STXBP5: variants seen among roughly 807,000 people sequenced by gnomAD.
STXBP5 encodes syntaxin-binding protein 5.
A neutral mutation model predicts 152.4 loss-of-function variants in STXBP5; 50 were observed. The ratio of observed to expected loss-of-function variants is 0.33; its 90% CI spans 0.26 to 0.42. The LOEUF (loss-of-function observed/expected upper bound fraction) is 0.42. Ranked by LOEUF, STXBP5 falls within the 10% of genes least tolerant of loss-of-function variation. The pLI, the probability that STXBP5 is intolerant of heterozygous loss-of-function variation, is 1.00. For missense variants in STXBP5, 1,167 were observed against 1,388.6 expected (o/e 0.84, Z 2.54); for synonymous variants, 492 against 494.7 (o/e 0.99, Z 0.07).
chr6:147,248,470 A>G (rs1382098857), intron 4 of STXBP5, among the ~76,000 whole-genome samples: 1 of 152,106 alleles, frequency 6.6e-6, no homozygotes, highest in Non-Finnish European at 1.5e-5. Context: ...AAAGAAGACA[A>G]AAGTCAGTCA....
chr6:147,212,254 A>G (rs369884734), intron 2 of STXBP5, among the ~76,000 whole-genome samples: 125 of 152,336 alleles, frequency 8.2e-4, no homozygotes, highest in African/African-American at 2.9e-3. Flanking sequence ...TAACTATTGG[A>G]GATTCAAGTC....
intron 3 of STXBP5, among the ~76,000 whole-genome samples, chr6:147,236,508 C>A (rs546767139): frequency 1.3e-5 from 2 of 152,136 alleles, no homozygotes; most frequent in African/African-American, 4.8e-5. Flanking sequence ...AGTATGATAG[C>A]AAACCAGGAA....
At position 147,324,939 on chromosome 6, in the gene STXBP5, C is replaced by A; in HGVS notation, c.1803-20C>A. 6.7e-7 allele frequency: 1 copy of A among 1,486,782 alleles called. No homozygotes were observed. The highest frequency in any genetic ancestry group is 9.0e-7 in the Non-Finnish European group (1 of 1,111,312). The allele number at this position is 1,486,782 out of a possible 1,614,324, so 92.1% of individuals were successfully genotyped here. A position where few individuals can be genotyped will look rare whatever the true frequency, so the allele number is the denominator to read the frequency against. Reference sequence around the variant, plus strand: ...ATAGTTGAAAATGGTTTAAAGATACCATGTTTTCTTTTATTTTAGAGTTAA... The same window carrying A: ...ATAGTTGAAAATGGTTTAAAGATACAATGTTTTCTTTTATTTTAGAGTTAA... On this transcript the variant is annotated intron_variant, in intron 16 of 27. Transcript: ENST00000321680.
At chr6:147,217,934 TC>T (rs1777258351) in intron 2 of STXBP5, among the ~76,000 whole-genome samples, 1 of 152,212 alleles carries the variant, frequency 6.6e-6, no homozygotes, top group African/African-American at 2.4e-5. Context: ...TTGTAGTTTT[TC>T]TTAAATGAGA....
rs780794214 is a variant in STXBP5 at position 147,316,242 on chromosome 6, G to T, written c.1637G>T (p.Arg546Leu). Reference sequence around the variant, plus strand: ...CTTTTACAACAGATGCTTGAAGTTCGATTATTATATGAGATAAATGATGTG... The same window carrying T: ...CTTTTACAACAGATGCTTGAAGTTCTATTATTATATGAGATAAATGATGTG... ...ITEVIPMLEV[R>L]LLYEINDVET... is the part of the protein sequence containing the mutation. The change falls in exon 16 of 28, where the codon CGA (arginine) becomes CTA (leucine). Residue 546 changes from arginine to leucine, a missense_variant. By Grantham distance (102) the Arg-to-Leu change is moderately radical (BLOSUM62 -2). Around this residue, in one of 3 missense-constraint regions of STXBP5, gnomAD observed 833 missense variants for 986.3 expected, o/e 0.84. Transcript: ENST00000321680. The T allele has an allele frequency of 1.2e-6, 2 of 1,613,700 alleles. No homozygotes were observed. The highest frequency in any genetic ancestry group is 1.7e-6 in the Non-Finnish European group (2 of 1,179,870).
At chr6:147,219,041 A>C (rs893532973) in intron 2 of STXBP5, among the ~76,000 whole-genome samples, 1 of 152,066 alleles carries the variant, frequency 6.6e-6, no homozygotes, top group African/African-American at 2.4e-5. Context: ...GTAGTGGAGA[A>C]GCTTTGAGTG....
chr6:147,274,165 T>C lies in STXBP5; in HGVS notation c.715-3916T>C, dbSNP rs1037022974. Among the ~76,000 whole-genome samples, 6 of 152,144 alleles carry C rather than the reference T, an allele frequency of 3.9e-5. No individual in the cohort carries two copies. The East Asian group carries it at 9.6e-4, about 24-fold the overall frequency. On this transcript the variant is annotated intron_variant, in intron 7 of 27. Transcript: ENST00000321680. The stretch of plus-strand genomic sequence containing the variant: ...CACATGCACACACACAAATACACTT[T>C]CCCAAAGGTAAAACAGTCCTTAAAA...
Position 147,388,241 on chromosome 6 carries a change from A to G in STXBP5, c.*3486A>G, listed in dbSNP as rs1786431788. On this transcript the variant is annotated 3_prime_UTR_variant, in exon 28 of 28. Coordinates refer to ENST00000321680, the MANE Select transcript of STXBP5 (RefSeq NM_001127715.4). Reference sequence around the variant, plus strand: ...GTGTATAAAACATACCAAAATCATGAATATGCTGCTAGCTGTACCTTAAAT... The same window carrying G: ...GTGTATAAAACATACCAAAATCATGGATATGCTGCTAGCTGTACCTTAAAT... The G allele has an allele frequency of 6.6e-6, 1 of 151,770 alleles. No individual in the cohort carries two copies. The highest frequency in any genetic ancestry group is 1.5e-5 in the Non-Finnish European group (1 of 67,760). 9.4% of individuals were successfully genotyped at this position (151,770 alleles called of 1,614,324 possible).
At chr6:147,260,317 TA>T (rs138157438) in intron 4 of STXBP5, among the ~76,000 whole-genome samples, 2,312 of 152,148 alleles carry the variant, frequency 0.015, 65 homozygotes, top group African/African-American at 0.053. Flanking sequence ...GCCTAAAGGG[TA>T]AATGTGTGGT....
chr6:147,301,810 G>T (rs1473319187), intron 9 of STXBP5, among the ~76,000 whole-genome samples: 6 of 152,082 alleles, frequency 3.9e-5, no homozygotes, highest in Non-Finnish European at 7.4e-5. Context: ...GTAGTAAGTG[G>T]TCAAATACAG....
intron 19 of STXBP5, among the ~76,000 whole-genome samples, chr6:147,336,924 A>G (rs991651191): frequency 1.3e-5 from 2 of 152,082 alleles, no homozygotes; most frequent in Admixed American, 6.6e-5. Flanking sequence ...TAGTTAATTA[A>G]AATCAAAGCT....
intron 9 of STXBP5, among the ~76,000 whole-genome samples, chr6:147,298,640 G>A (rs1015893856): frequency 3.3e-5 from 5 of 151,920 alleles, no homozygotes; most frequent in Admixed American, 3.3e-4. Flanking sequence ...AGCTTTTTTG[G>A]CCACAGTGGT....
At chr6:147,324,594 T>TA (rs1020936111) in intron 16 of STXBP5, among the ~76,000 whole-genome samples, 7 of 151,958 alleles carry the variant, frequency 4.6e-5, no homozygotes, top group Admixed American at 6.6e-5. Flanking sequence ...TTTTCTAACT[T>TA]ACATTTTTTT....
intron 4 of STXBP5, among the ~76,000 whole-genome samples, chr6:147,248,793 C>A (rs1004040620): frequency 2.0e-5 from 3 of 152,068 alleles, no homozygotes; most frequent in Non-Finnish European, 4.4e-5. Context: ...ATTTCAGTTC[C>A]CAAATTAGTT....
intron 21 of STXBP5, among the ~76,000 whole-genome samples, chr6:147,344,740 AG>A (rs1175490752): frequency 6.6e-6 from 1 of 152,216 alleles, no homozygotes; most frequent in Non-Finnish European, 1.5e-5. Context: ...AGTATAGTAG[AG>A]GAACTGGGGC....
At chr6:147,335,066 T>C (rs1451097547) in intron 19 of STXBP5, among the ~76,000 whole-genome samples, 1 of 152,162 alleles carries the variant, frequency 6.6e-6, no homozygotes, top group Non-Finnish European at 1.5e-5. Flanking sequence ...CCTTTTACAA[T>C]TGCATTTTCC....
intron 4 of STXBP5, among the ~76,000 whole-genome samples, chr6:147,244,219 G>A (rs1184602998): frequency 2.6e-5 from 4 of 152,164 alleles, no homozygotes; most frequent in South Asian, 2.1e-4. Context: ...AGGGACTTGA[G>A]CATTATTGGA....
chr6:147,361,802 C>T (rs767694121), intron 23 of STXBP5, among the ~76,000 whole-genome samples: 3 of 152,018 alleles, frequency 2.0e-5, no homozygotes, highest in Non-Finnish European at 4.4e-5. Context: ...ACTTTAAAGG[C>T]GGAAGGACTC....
chr6:147,225,669 T>G (rs959455057), intron 2 of STXBP5, among the ~76,000 whole-genome samples: 3 of 152,222 alleles, frequency 2.0e-5, no homozygotes, highest in Non-Finnish European at 2.9e-5. Flanking sequence ...ACAGTGGTAG[T>G]GACGGTAGTG....
Sources: allele counts gnomAD v4.1 joint callset (sites outside exome capture counted in the v4.1 genomes callset), GRCh38; gene constraint gnomAD v4.1.1; regional missense constraint gnomAD v4.1.1; transcripts MANE v1.5; gene names NCBI Gene and HGNC (gene_info 2026-07-23, HGNC 2026-07-21).